Variants in ST18 observed in about 807,000 individuals in gnomAD.
ST18 encodes the protein suppression of tumorigenicity 18 protein.
A neutral mutation model predicts 110.0 loss-of-function variants in ST18; 50 were observed. That is an observed-to-expected ratio of 0.45 (90% CI 0.36 to 0.58). ST18 has a LOEUF of 0.58. Ranked by LOEUF, ST18 falls within the 20% of genes least tolerant of loss-of-function variation. The pLI is 0.00. For synonymous variants in ST18, 461 were observed against 452.4 expected (o/e 1.02, Z -0.24); for missense variants, 1,306 against 1,280.1 (o/e 1.02, Z -0.31).
chr8:52,181,758 C>T (rs2069686783), intron 8 of ST18, among the ~76,000 whole-genome samples: 1 of 152,100 alleles, frequency 6.6e-6, no homozygotes, highest in Non-Finnish European at 1.5e-5. Context: ...ATGGACTGCT[C>T]TGCTCATTTG....
chr8:52,168,904 G>T (rs1181715305), intron 10 of ST18, among the ~76,000 whole-genome samples: 1 of 152,128 alleles, frequency 6.6e-6, no homozygotes, highest in African/African-American at 2.4e-5. Flanking sequence ...AGGAGAGTAA[G>T]TTAGAAAAAA....
intron 15 of ST18, among the ~76,000 whole-genome samples, chr8:52,156,756 T>C (rs1049605365): frequency 1.3e-5 from 2 of 151,850 alleles, no homozygotes; most frequent in Non-Finnish European, 2.9e-5. Context: ...TGTGTGCATG[T>C]GTGTGTGTGT....
At chr8:52,127,455 G>C (rs1284182100) in intron 22 of ST18, among the ~76,000 whole-genome samples, 3 of 152,084 alleles carry the variant, frequency 2.0e-5, no homozygotes, top group Non-Finnish European at 4.4e-5. Flanking sequence ...TGTCTGTCTT[G>C]TTTTATGTCA....
At chr8:52,188,637 C>T (rs899347889) in intron 8 of ST18, among the ~76,000 whole-genome samples, 1 of 152,128 alleles carries the variant, frequency 6.6e-6, no homozygotes, top group African/African-American at 2.4e-5. Context: ...ATGTTAAGAA[C>T]AGTTGTAGAT....
intron 24 of ST18, 120 bp downstream of exon 24, chr8:52,118,218 C>T: frequency 3.3e-6 from 2 of 609,720 alleles, no homozygotes; most frequent in Non-Finnish European, 5.6e-6. Context: ...AATCTAGAAA[C>T]ACTCAGCATA....
intron 6 of ST18, 33 bp from the exon 7 acceptor site, chr8:52,214,290 C>T (rs1382592394): frequency 6.2e-7 from 1 of 1,610,530 alleles, no homozygotes; most frequent in Non-Finnish European, 8.5e-7. Context: ...TGAGGTCATT[C>T]CTTTGACATT....
At chr8:52,379,418 C>T (rs1833681840) in intron 2 of ST18, among the ~76,000 whole-genome samples, 1 of 152,030 alleles carries the variant, frequency 6.6e-6, no homozygotes, top group Non-Finnish European at 1.5e-5. Context: ...ATTTCTAAGA[C>T]TCGCATCCAA....
chr8:52,334,411 G>A (rs1811083547), intron 2 of ST18, among the ~76,000 whole-genome samples: 1 of 152,142 alleles, frequency 6.6e-6, no homozygotes, highest in South Asian at 2.1e-4. Context: ...ACCCACATGT[G>A]TAACTCACCT....
At chr8:52,157,097 C>A (rs2060224333) in intron 15 of ST18, among the ~76,000 whole-genome samples, 1 of 152,188 alleles carries the variant, frequency 6.6e-6, no homozygotes, top group Admixed American at 6.5e-5. Context: ...AAGAACACAA[C>A]ACTGAAAATC....
At chr8:52,329,310 C>T (rs529145266) in intron 2 of ST18, among the ~76,000 whole-genome samples, 76 of 151,604 alleles carry the variant, frequency 5.0e-4, no homozygotes, top group African/African-American at 1.8e-3. Flanking sequence ...GCTGGCACTG[C>T]CCTTTGAGTT....
intron 8 of ST18, among the ~76,000 whole-genome samples, chr8:52,183,134 G>T (rs2070546989): frequency 6.6e-6 from 1 of 152,196 alleles, no homozygotes; most frequent in South Asian, 2.1e-4. Context: ...AGATGTGGGT[G>T]ATTTCTGTAT....
intron 2 of ST18, among the ~76,000 whole-genome samples, chr8:52,293,398 G>A (rs902527326): frequency 6.6e-6 from 1 of 152,216 alleles, no homozygotes; most frequent in Admixed American, 6.5e-5. Flanking sequence ...GTGCCACTGT[G>A]ACAGGTAACT....
intron 22 of ST18, among the ~76,000 whole-genome samples, chr8:52,126,813 T>C (rs1304463997): frequency 6.6e-6 from 1 of 152,238 alleles, no homozygotes; most frequent in Non-Finnish European, 1.5e-5. Context: ...CAGTGGTGTT[T>C]ATAACCCTTC....
intron 2 of ST18, among the ~76,000 whole-genome samples, chr8:52,316,205 C>T (rs770023636): frequency 1.3e-5 from 2 of 152,154 alleles, no homozygotes; most frequent in Non-Finnish European, 2.9e-5. Flanking sequence ...TAATCATGGC[C>T]ACTGAGAATG....
chr8:52,176,321 C>T (rs573606049), intron 9 of ST18, among the ~76,000 whole-genome samples: 1 of 152,208 alleles, frequency 6.6e-6, no homozygotes, highest in African/African-American at 2.4e-5. Context: ...CGCGCCTGGC[C>T]AATTGTCAGG....
At chr8:52,374,154 T>C (rs1387018275) in intron 2 of ST18, among the ~76,000 whole-genome samples, 2 of 152,178 alleles carry the variant, frequency 1.3e-5, no homozygotes, top group Non-Finnish European at 2.9e-5. Context: ...CCCATAAATA[T>C]GACCTTATTT....
intron 3 of ST18, among the ~76,000 whole-genome samples, chr8:52,226,030 T>G (rs1172281613): frequency 6.6e-6 from 1 of 152,192 alleles, no homozygotes; most frequent in Non-Finnish European, 1.5e-5. Context: ...AGAAAACACA[T>G]CGTCTTGTTT....
intron 2 of ST18, among the ~76,000 whole-genome samples, chr8:52,230,864 G>A (rs1268843106): frequency 1.3e-5 from 2 of 151,982 alleles, no homozygotes; most frequent in African/African-American, 4.8e-5. Flanking sequence ...TCTCACTGAT[G>A]CCCTGACGAC....
At chr8:52,226,490 T>C (rs922311817) in intron 3 of ST18, among the ~76,000 whole-genome samples, 3 of 152,216 alleles carry the variant, frequency 2.0e-5, no homozygotes, top group Non-Finnish European at 4.4e-5. Flanking sequence ...GGGAAAACTT[T>C]AATTTTCTGT....
Sources: gnomAD v4.1 joint callset for allele counts (sites outside exome capture counted in the v4.1 genomes callset) on GRCh38, gnomAD v4.1.1 for gene constraint, MANE v1.5 for transcripts, NCBI Gene and HGNC (gene_info 2026-07-23, HGNC 2026-07-21) for gene names.